The following PLG variants were observed in gnomAD, a reference collection of about 807,000 sequenced individuals.
PLG encodes plasmin.
PLG carries 41 observed loss-of-function variants against 104.4 expected under a neutral mutation model. The observed-to-expected ratio is 0.39, with a 90% confidence interval of 0.31 to 0.51. The LOEUF (loss-of-function observed/expected upper bound fraction) is 0.51. PLG is among the 20% of genes least tolerant of loss of function. PLG has a pLI of 0.76. For synonymous variants in PLG, 337 were observed against 357.1 expected, an observed-to-expected ratio of 0.94 and a Z score of 0.63; for missense variants, 891 against 1,003.6, an observed-to-expected ratio of 0.89 and a Z score of 1.52.
rs1056876691 is a variant in PLG, at chr6:160,731,553, T to C, written c.1439-192T>C. 4.6e-5 allele frequency among the ~76,000 whole-genome samples: 7 copies of C among 152,224 alleles called. No homozygotes were observed. The highest frequency in any genetic ancestry group is 1.3e-4 in the Admixed American group (2 of 15,280). ...TATCATGCTGCCATATGTGTGATTC[T>C]TTCCAAGCCAGTAAGCATCTCCAGT... On this transcript the variant is annotated intron_variant, in intron 11 of 18. Coordinates refer to ENST00000308192, the MANE Select transcript of PLG (RefSeq NM_000301.5). The surrounding 1 kb of genome is among the most constrained non-coding windows in gnomAD (Gnocchi z 5.1).
chr6:160,702,806 G>C (rs549589199), intron 1 of PLG, among the ~76,000 whole-genome samples: 1 of 152,266 alleles, frequency 6.6e-6, no homozygotes, highest in South Asian at 2.1e-4. Context: ...GGCAGGGTCG[G>C]GGACTCAGCA....
rs1778114526 is a variant in PLG at position 160,737,940 on chromosome 6, A to G, written c.1803-598A>G. On this transcript the variant is annotated intron_variant, in intron 14 of 18. Coordinates refer to ENST00000308192, the MANE Select transcript of PLG (RefSeq NM_000301.5). The surrounding 1 kb of genome is among the most constrained non-coding windows in gnomAD (Gnocchi z 4.7). ...ACTGACTTATCAACATGCTACCATC[A>G]TGCACTTCCTATCTCTATTCCTCTT... 6.6e-6 allele frequency among the ~76,000 whole-genome samples: 1 copy of G among 150,980 alleles called. No homozygotes were observed. Among genetic ancestry groups the G allele is most frequent in the Admixed American group, 6.6e-5 (1 of 15,162 alleles).
chr6:160,750,473 G>C (rs1254322092), intron 17 of PLG, among the ~76,000 whole-genome samples: 9 of 152,230 alleles, frequency 5.9e-5, no homozygotes, highest in Non-Finnish European at 1.2e-4. Flanking sequence ...TCCCAGAGCA[G>C]TGACACCTAA....
At position 160,736,935 on chromosome 6, in the gene PLG, G is replaced by A; in HGVS notation, c.1730G>A (p.Cys577Tyr). The A allele has an allele frequency of 6.2e-7, 1 of 1,614,052 alleles. No homozygotes were observed. The highest frequency in any genetic ancestry group is 8.5e-7 in the Non-Finnish European group (1 of 1,179,972). ...CGKPQVEPKK[C>Y]PGRVVGGCVA... ...AAGCCTCAAGTGGAGCCGAAGAAAT[G>A]TCCTGGAAGGGTTGTAGGGGGGTGT... Residue 577 changes from cysteine to tyrosine, a missense_variant, in exon 14 of 19, where the codon TGT becomes TAT. Transcript: ENST00000308192. The surrounding 1 kb of genome is among the most constrained non-coding windows in gnomAD (Gnocchi z 5.2).
intron 10 of PLG, 117 bp downstream of exon 10, chr6:160,722,684 ATG>A: frequency 1.1e-6 from 1 of 873,260 alleles, no homozygotes; most frequent in African/African-American, 1.7e-5. Flanking sequence ...TAGACCCAGA[ATG>A]TGTAGAAAAA....
chr6:160,723,412 G>T lies in PLG; in HGVS notation c.1256+845G>T, dbSNP rs574640892. 6.6e-6 allele frequency among the ~76,000 whole-genome samples: 1 copy of T among 152,222 alleles called. No homozygotes were observed. The highest frequency in any genetic ancestry group is 2.1e-4 in the South Asian group (1 of 4,826). On this transcript the variant is annotated intron_variant, in intron 10 of 18. Coordinates refer to ENST00000308192, the MANE Select transcript of PLG (RefSeq NM_000301.5). The surrounding 1 kb of genome is among the most constrained non-coding windows in gnomAD (Gnocchi z 4.7). Reference sequence around the variant, plus strand: ...ACATATTGGAGAACAGATAAACTGAGATAATTTAGAAAGGGAATCAAATGA... The same window carrying T: ...ACATATTGGAGAACAGATAAACTGATATAATTTAGAAAGGGAATCAAATGA...
intron 17 of PLG, among the ~76,000 whole-genome samples, chr6:160,750,568 G>A (rs1778385724): frequency 6.6e-6 from 1 of 152,212 alleles, no homozygotes; most frequent in African/African-American, 2.4e-5. Context: ...CCCAATGCTT[G>A]GTAGTCAAGA....
At position 160,731,156 on chromosome 6, in the gene PLG, C is replaced by T. The variant is rs1228650924; in HGVS notation, c.1362C>T (p.Cys454=). The stretch of plus-strand genomic sequence containing the variant: ...GGGAGTACTGCAACCTGAAAAAATG[C>T]TCAGGAACAGAAGCGAGTGTTGTAG... ...VRWEYCNLKK[C]SGTEASVVAP... Residue 454 remains cysteine (C), a synonymous_variant, in exon 11 of 19, where the codon TGC becomes TGT. Coordinates refer to ENST00000308192, the MANE Select transcript of PLG (RefSeq NM_000301.5). This position sits in a 1 kb window ranked among gnomAD's most constrained non-coding sequence, Gnocchi z 5.1. The T allele has an allele frequency of 4.3e-6, 7 of 1,614,038 alleles. No individual in the cohort carries two copies. In the South Asian group the frequency reaches 5.5e-5, roughly 13 times the overall value.
intron 1 of PLG, 57 bp from the exon 2 acceptor site, chr6:160,706,350 T>C: frequency 1.9e-6 from 3 of 1,604,770 alleles, no homozygotes; most frequent in Non-Finnish European, 1.7e-6. Flanking sequence ...GTCATGACAA[T>C]TAGACATTGA....
chr6:160,718,806 C>T lies in PLG; in HGVS notation c.1064C>T (p.Ser355Phe), dbSNP rs750784310. 1 of 1,613,642 alleles carries T rather than the reference C, an allele frequency of 6.2e-7. No individual in the cohort carries two copies. Among genetic ancestry groups the T allele is most frequent in the Non-Finnish European group, 8.5e-7 (1 of 1,179,696 alleles). ...EYCKIPSCDS[S>F]PVSTEQLAPT... is the part of the protein sequence containing the mutation. ...TGTAAGATACCGTCCTGTGACTCCT[C>T]CCCAGTATCCACGGAACAATTGGCT... Residue 355 changes from serine to phenylalanine, a missense_variant, in exon 9 of 19, where the codon TCC becomes TTC. Ser to Phe is a radical substitution (Grantham distance 155). Around this residue, in one of 2 missense-constraint regions of PLG, gnomAD observed 854 missense variants for 932.1 expected, o/e 0.92. Transcript: ENST00000308192.
At chr6:160,711,508 A>G (rs1777641586) in intron 4 of PLG, 3 of 1,494,248 alleles carry the variant, frequency 2.0e-6, no homozygotes, top group Middle Eastern at 2.4e-4. Flanking sequence ...TCTGGAACCC[A>G]TGGATACAGA....
chr6:160,741,428 T>A lies in PLG; in HGVS notation c.2125+11T>A. The A allele has an allele frequency of 1.3e-6, 2 of 1,514,086 alleles. No individual in the cohort carries two copies. Among genetic ancestry groups the A allele is most frequent in the Non-Finnish European group, 1.8e-6 (2 of 1,088,730 alleles). The allele number at this position is 1,514,086 out of a possible 1,614,324, so 93.8% of individuals were successfully genotyped here. Reference sequence around the variant, plus strand: ...GGGGAGAAACCCAAGGTGAGATAAATTCCATTGCCCACATAACGAATTGGT... The same window carrying A: ...GGGGAGAAACCCAAGGTGAGATAAAATCCATTGCCCACATAACGAATTGGT... On this transcript the variant is annotated intron_variant, in intron 17 of 18. Transcript: ENST00000308192. This position sits in a 1 kb window ranked among gnomAD's most constrained non-coding sequence, Gnocchi z 4.7.
At chr6:160,728,181 G>T (rs1322060912) in intron 10 of PLG, among the ~76,000 whole-genome samples, 1 of 151,992 alleles carries the variant, frequency 6.6e-6, no homozygotes, top group Non-Finnish European at 1.5e-5. Flanking sequence ...AAATAAAAAT[G>T]TCAGAGCAAT....
chr6:160,726,348 T>C lies in PLG; in HGVS notation c.1256+3781T>C, dbSNP rs1183962340. On this transcript the variant is annotated intron_variant, in intron 10 of 18. Coordinates refer to ENST00000308192, the MANE Select transcript of PLG (RefSeq NM_000301.5). This position sits in a 1 kb window ranked among gnomAD's most constrained non-coding sequence, Gnocchi z 4.4. ...AACACATTTCCAAATACTTCATAAG[T>C]CAAAGAAGGAATTTAGAAAAGTTTT... is the stretch of plus-strand genomic sequence containing the variant. 1.3e-5 allele frequency among the ~76,000 whole-genome samples: 2 copies of C among 152,070 alleles called. No homozygotes were observed. The highest frequency in any genetic ancestry group is 3.9e-4 in the East Asian group (2 of 5,156).
rs146263375 is a variant in PLG at position 160,726,378 on chromosome 6, T to G, written c.1256+3811T>G. ...GAAGGAATTTAGAAAAGTTTTGAAC[T>G]GAATAATAGTAAAAATACAACATAT... On this transcript the variant is annotated intron_variant, in intron 10 of 18. Transcript: ENST00000308192. The surrounding 1 kb of genome is among the most constrained non-coding windows in gnomAD (Gnocchi z 4.4). Among the ~76,000 whole-genome samples the G allele has an allele frequency of 1.6e-4, 25 of 152,166 alleles. No homozygotes were observed. The East Asian group carries it at 4.6e-3, about 28-fold the overall frequency.
Position 160,725,578 on chromosome 6 carries a change from T to C in PLG, c.1256+3011T>C, listed in dbSNP as rs945907529. 6.6e-6 allele frequency among the ~76,000 whole-genome samples: 1 copy of C among 152,104 alleles called. No homozygotes were observed. The highest frequency in any genetic ancestry group is 2.4e-5 in the African/African-American group (1 of 41,446). On this transcript the variant is annotated intron_variant, in intron 10 of 18. Transcript: ENST00000308192. The surrounding 1 kb of genome is among the most constrained non-coding windows in gnomAD (Gnocchi z 6.3). ...CAAAGAGAGAAAATACACAGCATTA[T>C]GGTACACTTAAACTGAACTGAAAAT...
Position 160,741,555 on chromosome 6 carries a change from CCTGT to C in PLG, c.2125+141_2125+144del, listed in dbSNP as rs1264499795. ...CCCCACTCCTGATTTTGCCTGGGCA[CCTGT>C]CTATGTCTTAATCAGTCTTCAAGGC... On this transcript the variant is annotated intron_variant, in intron 17 of 18. Coordinates refer to ENST00000308192, the MANE Select transcript of PLG (RefSeq NM_000301.5). The surrounding 1 kb of genome is among the most constrained non-coding windows in gnomAD (Gnocchi z 4.7). 3.3e-5 allele frequency: 23 copies of C among 703,534 alleles called. No homozygotes were observed. Among genetic ancestry groups the C allele is most frequent in the Non-Finnish European group, 6.0e-5 (23 of 380,188 alleles). The allele number at this position is 703,534 out of a possible 1,614,324, so 43.6% of individuals were successfully genotyped here.
At chr6:160,714,648 T>A in intron 5 of PLG, 146 bp from the exon 6 acceptor site, 1 of 556,106 alleles carries the variant, frequency 1.8e-6, no homozygotes, top group South Asian at 2.0e-5. Flanking sequence ...ATTGCCAATT[T>A]TATTGCCAAG....
rs1387946696 is a variant in PLG at position 160,741,657 on chromosome 6, CAATT to C, written c.2125+249_2125+252del. ...CTCTGTTTTCAGAACATTTTTATTT[CAATT>C]AATTAATTTTTAACTTTTATTTTAG... On this transcript the variant is annotated intron_variant, in intron 17 of 18. Coordinates refer to ENST00000308192, the MANE Select transcript of PLG (RefSeq NM_000301.5). This position sits in a 1 kb window ranked among gnomAD's most constrained non-coding sequence, Gnocchi z 4.7. Among the ~76,000 whole-genome samples the C allele has an allele frequency of 6.6e-6, 1 of 152,086 alleles. No homozygotes were observed. The highest frequency in any genetic ancestry group is 1.5e-5 in the Non-Finnish European group (1 of 68,022).
Sources: allele counts gnomAD v4.1 joint callset (sites outside exome capture counted in the v4.1 genomes callset), GRCh38; gene constraint gnomAD v4.1.1; regional missense constraint gnomAD v4.1.1; non-coding constraint Gnocchi (gnomAD v3.1); transcripts MANE v1.5; gene names NCBI Gene and HGNC (gene_info 2026-07-23, HGNC 2026-07-21).